Variants in SPRYD7 observed in about 807,000 individuals in gnomAD.
SPRYD7 encodes SPRY domain containing 7.
In SPRYD7, 14 loss-of-function variants were observed where a neutral mutation model predicts 23.8. The ratio of observed to expected loss-of-function variants is 0.59; its 90% CI spans 0.39 to 0.92. The LOEUF is 0.92. SPRYD7 is among the 40% of genes least tolerant of loss of function. SPRYD7 has a pLI of 0.00. For synonymous variants in SPRYD7, 75 were observed against 84.9 expected (o/e 0.88, Z 0.64); for missense variants, 194 against 241.7 (o/e 0.80, Z 1.31).
Position 49,936,335 on chromosome 13 carries a change from G to A in SPRYD7, c.-100C>T. ...CTGCCCCCGCCCGAGGTCCGGACTT[G>A]TCTATGTGGAGCTCGGAGGCCGGTA... On this transcript the variant is annotated 5_prime_UTR_variant, in exon 1 of 5. Transcript: ENST00000361840. 2.6e-6 allele frequency: 2 copies of A among 778,302 alleles called. No individual in the cohort carries two copies. The highest frequency in any genetic ancestry group is 3.8e-5 in the South Asian group (2 of 53,332). The allele number at this position is 778,302 out of a possible 1,614,324, so 48.2% of individuals were successfully genotyped here.
chr13:49,930,399 G>T (rs1419029123), intron 2 of SPRYD7, among the ~76,000 whole-genome samples: 1 of 151,998 alleles, frequency 6.6e-6, no homozygotes, highest in Non-Finnish European at 1.5e-5. Context: ...GACCAACATG[G>T]TGAAACCTCT....
chr13:49,923,984 CT>C (rs1288975552), intron 3 of SPRYD7, among the ~76,000 whole-genome samples: 2,154 of 135,220 alleles, frequency 0.016, 15 homozygotes, highest in African/African-American at 0.021. Context: ...GAGACAAGGT[CT>C]TTTTTTTTTT....
chr13:49,914,710 C>T lies in SPRYD7; in HGVS notation c.*353G>A, dbSNP rs182611216. On this transcript the variant is annotated 3_prime_UTR_variant, in exon 5 of 5. Coordinates refer to ENST00000361840, the MANE Select transcript of SPRYD7 (RefSeq NM_020456.4). ...TAATGAGGTCTAAACTTCAGAGTGACAAAAACACCCACCCAACTCTACATC... is the reference window on the plus strand; with the variant it reads ...TAATGAGGTCTAAACTTCAGAGTGATAAAAACACCCACCCAACTCTACATC... 3 of 153,152 alleles carry T rather than the reference C, an allele frequency of 2.0e-5. No homozygotes were observed. Among genetic ancestry groups the T allele is most frequent in the African/African-American group, 7.2e-5 (3 of 41,436 alleles). The allele number at this position is 153,152 out of a possible 1,614,324, so 9.5% of individuals were successfully genotyped here.
intron 2 of SPRYD7, 108 bp downstream of exon 2, chr13:49,930,908 AAG>A (rs755314221): frequency 4.0e-5 from 25 of 620,204 alleles, no homozygotes; most frequent in Non-Finnish European, 6.5e-5. Flanking sequence ...CAGATCTTCT[AAG>A]AGTTTGGTGC....
intron 4 of SPRYD7, among the ~76,000 whole-genome samples, chr13:49,916,614 A>G (rs1398712182): frequency 2.6e-5 from 4 of 152,094 alleles, no homozygotes; most frequent in Non-Finnish European, 4.4e-5. Context: ...TTAAAAAAAA[A>G]AAAGAAAGAA....
At chr13:49,925,310 T>TA (rs1007989972) in intron 3 of SPRYD7, among the ~76,000 whole-genome samples, 14 of 152,144 alleles carry the variant, frequency 9.2e-5, no homozygotes, top group Admixed American at 4.6e-4. Flanking sequence ...GAGAATCGCT[T>TA]GAATCCAGGA....
chr13:49,936,146 C>T lies in SPRYD7; in HGVS notation c.90G>A (p.Leu30=), dbSNP rs755091861. 6.2e-7 allele frequency: 1 copy of T among 1,605,364 alleles called. No individual in the cohort carries two copies. The highest frequency in any genetic ancestry group is 1.7e-5 in the Admixed American group (1 of 59,222). The change falls in exon 1 of 5, where the codon CTG becomes CTA. Residue 30 remains leucine, a synonymous_variant. Coordinates refer to ENST00000361840, the MANE Select transcript of SPRYD7 (RefSeq NM_020456.4). ...GGCCCTTACCCATGTGCTGCGTGTC[C>T]AGCTGCACGGCCGGCATCTCCTTCA... ...IPLKEMPAVQ[L]DTQHMGTDVV...
chr13:49,917,710 A>C (rs751230759), intron 4 of SPRYD7, among the ~76,000 whole-genome samples: 11 of 152,238 alleles, frequency 7.2e-5, no homozygotes, highest in Non-Finnish European at 1.2e-4. Flanking sequence ...TATTTGCTAC[A>C]GTTAACTTGT....
At chr13:49,923,240 G>GT (rs1955840000) in intron 3 of SPRYD7, among the ~76,000 whole-genome samples, 1 of 151,918 alleles carries the variant, frequency 6.6e-6, no homozygotes, top group African/African-American at 2.4e-5. Context: ...AAACAAACAA[G>GT]TTTGTTTTTT....
chr13:49,930,976 G>C, intron 2 of SPRYD7, 42 bp downstream of exon 2: 1 of 1,214,824 alleles, frequency 8.2e-7, no homozygotes, highest in Non-Finnish European at 1.2e-6. Context: ...TTAATATTTA[G>C]AACAATTAGG....
At chr13:49,922,074 C>A (rs1955827836) in intron 3 of SPRYD7, among the ~76,000 whole-genome samples, 1 of 152,056 alleles carries the variant, frequency 6.6e-6, no homozygotes, top group African/African-American at 2.4e-5. Flanking sequence ...CACATTTCTA[C>A]ATCTCTTTAC....
At chr13:49,917,745 A>G (rs1165251789) in intron 4 of SPRYD7, among the ~76,000 whole-genome samples, 1 of 152,162 alleles carries the variant, frequency 6.6e-6, no homozygotes, top group Non-Finnish European at 1.5e-5. Context: ...ACTGATATTT[A>G]TTTTATTTCT....
intron 3 of SPRYD7, among the ~76,000 whole-genome samples, chr13:49,922,289 A>G (rs1955830092): frequency 6.7e-6 from 1 of 148,950 alleles, no homozygotes; most frequent in Admixed American, 6.7e-5. Context: ...TAATTATTTT[A>G]TAATTATATA....
Position 49,914,624 on chromosome 13 carries a change from A to G in SPRYD7, c.*439T>C, listed in dbSNP as rs549641495. ...TAATATAAATTTCTCTCACTTTGTT[A>G]TATTGTATATAAAAAAGGACACTAA... is the stretch of plus-strand genomic sequence containing the variant. On this transcript the variant is annotated 3_prime_UTR_variant, in exon 5 of 5. Coordinates refer to ENST00000361840, the MANE Select transcript of SPRYD7 (RefSeq NM_020456.4). 2.6e-5 allele frequency: 4 copies of G among 152,752 alleles called. No homozygotes were observed. The highest frequency in any genetic ancestry group is 9.6e-5 in the African/African-American group (4 of 41,580). 9.5% of individuals were successfully genotyped at this position (152,752 alleles called of 1,614,324 possible). A position where few individuals can be genotyped will look rare whatever the true frequency, so the allele number is the denominator to read the frequency against.
chr13:49,930,096 C>T (rs962910460), intron 2 of SPRYD7, among the ~76,000 whole-genome samples: 2 of 152,062 alleles, frequency 1.3e-5, no homozygotes, highest in Admixed American at 6.6e-5. Flanking sequence ...GATCACTTTA[C>T]AGTAAAGCTT....
chr13:49,916,542 C>G (rs1035239230), intron 4 of SPRYD7, among the ~76,000 whole-genome samples: 10 of 151,432 alleles, frequency 6.6e-5, no homozygotes, highest in Non-Finnish European at 1.3e-4. Context: ...ACAACAAACC[C>G]CCCACCGTGA....
chr13:49,918,413 T>TC (rs1247132577), intron 4 of SPRYD7, among the ~76,000 whole-genome samples: 1 of 150,166 alleles, frequency 6.7e-6, no homozygotes, highest in East Asian at 1.9e-4. Flanking sequence ...CTTTTTTTTT[T>TC]TTTTCTTTTT....
At chr13:49,920,532 A>G (rs1371615304) in intron 4 of SPRYD7, among the ~76,000 whole-genome samples, 5 of 152,212 alleles carry the variant, frequency 3.3e-5, no homozygotes, top group Non-Finnish European at 5.9e-5. Context: ...ACATGTTGAA[A>G]AAGGGAGTAC....
At chr13:49,933,610 A>AG (rs1400124685) in intron 1 of SPRYD7, among the ~76,000 whole-genome samples, 1 of 151,666 alleles carries the variant, frequency 6.6e-6, no homozygotes, top group African/African-American at 2.4e-5. Flanking sequence ...TCAAAAAAAA[A>AG]AAAAAGAAAA....
Sources: allele counts gnomAD v4.1 joint callset (sites outside exome capture counted in the v4.1 genomes callset), GRCh38; gene constraint gnomAD v4.1.1; transcripts MANE v1.5; gene names NCBI Gene and HGNC (gene_info 2026-07-23, HGNC 2026-07-21).